The following ADAMTSL3 variants were observed in gnomAD, a reference collection of about 807,000 sequenced individuals.
ADAMTSL3 encodes the protein ADAMTS-like protein 3.
A neutral mutation model predicts 201.7 loss-of-function variants in ADAMTSL3; 128 were observed. The observed-to-expected ratio is 0.63, with a 90% CI of 0.55 to 0.73. The LOEUF (loss-of-function observed/expected upper bound fraction) is 0.73, where lower values mean the gene tolerates loss of function less well. Ranked by LOEUF, ADAMTSL3 falls within the 30% of genes least tolerant of loss-of-function variation. ADAMTSL3 has a pLI of 0.00. For synonymous variants in ADAMTSL3, 738 were observed against 748.4 expected (o/e 0.99, Z 0.23); for missense variants, 1,990 against 2,119.6 (o/e 0.94, Z 1.20).
At chr15:83,871,466 C>A (rs1203102924) in intron 9 of ADAMTSL3, among the ~76,000 whole-genome samples, 2 of 152,202 alleles carry the variant, frequency 1.3e-5, no homozygotes, top group Non-Finnish European at 2.9e-5. Flanking sequence ...AGAGCAGAGA[C>A]AACAGCGGCT....
chr15:83,663,878 C>T (rs2061211021), intron 2 of ADAMTSL3, among the ~76,000 whole-genome samples: 1 of 152,192 alleles, frequency 6.6e-6, no homozygotes, highest in Non-Finnish European at 1.5e-5. Context: ...TTGTGTGTTG[C>T]CTGTGATCCC....
chr15:83,929,719 CAGAG>C (rs1042472165), intron 17 of ADAMTSL3, among the ~76,000 whole-genome samples: 4 of 150,004 alleles, frequency 2.7e-5, no homozygotes, highest in East Asian at 2.0e-4. Context: ...CAGAGAGAGA[CAGAG>C]AGACAGAGAC....
At position 83,784,632 on chromosome 15, in the gene ADAMTSL3, A is replaced by C. The variant is rs183245080; in HGVS notation, c.317+10982A>C. ...CCATTTTCCTTAAATTTTTCCCTGA[A>C]ATTTTACCTCTGCTAATTTGGAAAT... On this transcript the variant is annotated intron_variant, in intron 4 of 29. Coordinates refer to ENST00000286744, the MANE Select transcript of ADAMTSL3 (RefSeq NM_207517.3). Among the ~76,000 whole-genome samples the C allele has an allele frequency of 1.3e-3, 197 of 152,214 alleles. No individual in the cohort carries two copies. In the Middle Eastern group the frequency reaches 0.014, roughly 11 times the overall value.
intron 16 of ADAMTSL3, among the ~76,000 whole-genome samples, chr15:83,917,491 C>G (rs2066058147): frequency 6.6e-6 from 1 of 152,064 alleles, no homozygotes; most frequent in Non-Finnish European, 1.5e-5. Flanking sequence ...GCAGCAGTAT[C>G]TGTGTGTGTA....
At chr15:83,899,569 C>T in intron 14 of ADAMTSL3, 78 bp from the exon 15 acceptor site, 2 of 1,389,804 alleles carry the variant, frequency 1.4e-6, no homozygotes, top group Non-Finnish European at 2.0e-6. Flanking sequence ...ATGAAATCTT[C>T]AGCCAATATG....
intron 21 of ADAMTSL3, among the ~76,000 whole-genome samples, chr15:83,983,560 G>A (rs539037709): frequency 6.6e-6 from 1 of 152,302 alleles, no homozygotes; most frequent in Non-Finnish European, 1.5e-5. Flanking sequence ...TCGTAGAGGT[G>A]TGATATGACT....
chr15:83,879,833 T>A (rs1474896812), intron 9 of ADAMTSL3, among the ~76,000 whole-genome samples: 2 of 152,216 alleles, frequency 1.3e-5, no homozygotes, highest in African/African-American at 4.8e-5. Flanking sequence ...CCCGTGACTG[T>A]GCATTGTGCC....
intron 2 of ADAMTSL3, among the ~76,000 whole-genome samples, chr15:83,688,975 AT>A (rs1254387119): frequency 6.6e-6 from 1 of 151,730 alleles, no homozygotes; most frequent in Non-Finnish European, 1.5e-5. Flanking sequence ...CAGCAGGCTA[AT>A]TTTTTTGTTT....
At chr15:83,814,764 A>G (rs1343560495) in intron 5 of ADAMTSL3, among the ~76,000 whole-genome samples, 2 of 152,168 alleles carry the variant, frequency 1.3e-5, no homozygotes, top group Non-Finnish European at 1.5e-5. Flanking sequence ...CTGAGTCCCT[A>G]CTTGCTGGTT....
chr15:83,940,837 T>C (rs1018867760), intron 17 of ADAMTSL3, among the ~76,000 whole-genome samples: 1 of 152,152 alleles, frequency 6.6e-6, no homozygotes, highest in Non-Finnish European at 1.5e-5. Context: ...TTCATCTTCT[T>C]ATTTTGGAAC....
At chr15:83,663,929 C>T (rs1489978701) in intron 2 of ADAMTSL3, among the ~76,000 whole-genome samples, 2 of 152,276 alleles carry the variant, frequency 1.3e-5, no homozygotes, top group African/African-American at 2.4e-5. Context: ...ACCTTTCCAT[C>T]TCACTCTCCT....
At chr15:83,670,665 C>G (rs1263016175) in intron 2 of ADAMTSL3, among the ~76,000 whole-genome samples, 1 of 152,124 alleles carries the variant, frequency 6.6e-6, no homozygotes, top group Non-Finnish European at 1.5e-5. Context: ...TTATAACCCA[C>G]TAATGGAATG....
At chr15:83,814,743 T>C (rs879500177) in intron 5 of ADAMTSL3, among the ~76,000 whole-genome samples, 2 of 152,176 alleles carry the variant, frequency 1.3e-5, no homozygotes, top group African/African-American at 2.4e-5. Context: ...GTAGCAACAA[T>C]ATTATTTCTC....
At chr15:83,974,338 A>G (rs2142136480) in intron 20 of ADAMTSL3, among the ~76,000 whole-genome samples, 1 of 152,364 alleles carries the variant, frequency 6.6e-6, no homozygotes, top group Non-Finnish European at 1.5e-5. Flanking sequence ...AAATGAGAAT[A>G]GTCTTTATAC....
intron 17 of ADAMTSL3, among the ~76,000 whole-genome samples, chr15:83,941,735 G>A (rs1020815186): frequency 1.3e-5 from 2 of 152,064 alleles, no homozygotes; most frequent in Non-Finnish European, 2.9e-5. Flanking sequence ...ATTTTTGTGT[G>A]TGTGCTGTTA....
At chr15:83,954,972 AC>A (rs2066829924) in intron 19 of ADAMTSL3, among the ~76,000 whole-genome samples, 1 of 152,140 alleles carries the variant, frequency 6.6e-6, no homozygotes, top group African/African-American at 2.4e-5. Context: ...ACTGGGTTTC[AC>A]CCAAGACCCA....
intron 2 of ADAMTSL3, among the ~76,000 whole-genome samples, chr15:83,663,179 T>C (rs975384398): frequency 6.6e-6 from 1 of 152,200 alleles, no homozygotes; most frequent in African/African-American, 2.4e-5. Flanking sequence ...CTCTCTGTCC[T>C]GCCAACTCCC....
At chr15:83,682,404 C>T (rs868127842) in intron 2 of ADAMTSL3, among the ~76,000 whole-genome samples, 34 of 152,322 alleles carry the variant, frequency 2.2e-4, no homozygotes, top group Admixed American at 1.8e-3. Flanking sequence ...ACTTGTCACA[C>T]TACCTTAGAT....
chr15:83,959,631 C>CAT (rs2066924276), intron 19 of ADAMTSL3, among the ~76,000 whole-genome samples: 1 of 152,154 alleles, frequency 6.6e-6, no homozygotes, highest in African/African-American at 2.4e-5. Flanking sequence ...AGTTTAAAGG[C>CAT]CACAGGCAAA....
Sources: allele counts gnomAD v4.1 joint callset (sites outside exome capture counted in the v4.1 genomes callset), GRCh38; gene constraint gnomAD v4.1.1; transcripts MANE v1.5; gene names NCBI Gene and HGNC (gene_info 2026-07-23, HGNC 2026-07-21).